NFATC3: variants seen among roughly 807,000 people sequenced by gnomAD.
The protein encoded by NFATC3 is nuclear factor of activated T-cells, cytoplasmic 3.
Under a neutral mutation model 98.6 loss-of-function variants are expected in NFATC3, and 46 were observed. The ratio of observed to expected loss-of-function variants is 0.47; its 90% CI spans 0.37 to 0.60. The LOEUF (loss-of-function observed/expected upper bound fraction) is 0.60, where lower values mean the gene tolerates loss of function less well. Among genes scored for constraint, NFATC3 ranks in the 20% least tolerant of loss-of-function variants. The probability of loss-of-function intolerance (pLI) is 0.00; values close to 1 mark genes in which losing one functional copy is unlikely to be tolerated. For synonymous variants in NFATC3, 512 were observed against 472.2 expected (o/e 1.08, Z -1.09); for missense variants, 1,256 against 1,295.5 (o/e 0.97, Z 0.47).
At chr16:68,098,294 ATTATTATTTTT>A (rs1476936765) in intron 1 of NFATC3, among the ~76,000 whole-genome samples, 18 of 104,420 alleles carry the variant, frequency 1.7e-4, no homozygotes, top group African/African-American at 6.2e-4. Flanking sequence ...TATTATTATT[ATTATTATTTTT>A]TTTTTTTTTT....
At chr16:68,099,734 A>C (rs1056884251) in intron 1 of NFATC3, among the ~76,000 whole-genome samples, 2 of 152,022 alleles carry the variant, frequency 1.3e-5, no homozygotes, top group Non-Finnish European at 2.9e-5. Context: ...CCACTAATCT[A>C]TTCTACATCT....
chr16:68,226,284 GCGT>G, intron 9 of NFATC3, 63 bp from the exon 10 acceptor site: 1 of 1,519,268 alleles, frequency 6.6e-7, no homozygotes, highest in Non-Finnish European at 8.8e-7. Context: ...GTAGAGCTCA[GCGT>G]TGGGCATCAT....
rs778304989 is a variant in NFATC3, at chr16:68,191,312, A to G, written c.2643A>G (p.Ser881=). Residue 881 remains serine, a synonymous_variant, in exon 9 of 10, where the codon TCA becomes TCG. Transcript: ENST00000346183. ...HSVHTLPHLQ[S]MGYHCSNTGQ... is the part of the protein sequence containing the mutation. ...TGCATACCCTGCCTCATCTGCAATCAATGGGATATCATTGTTCAAATACAG... is the reference window on the plus strand; with the variant it reads ...TGCATACCCTGCCTCATCTGCAATCGATGGGATATCATTGTTCAAATACAG... 32 of 1,614,024 alleles carry G rather than the reference A, an allele frequency of 2.0e-5. No homozygotes were observed. In the South Asian group the frequency reaches 3.4e-4, roughly 17 times the overall value.
In NFATC3 at chr16:68,221,310, A is replaced by G. The variant is rs1224581972; in HGVS notation, c.3107-5040A>G. On this transcript the variant is annotated intron_variant, in intron 9 of 9. Coordinates refer to ENST00000346183, the MANE Select transcript of NFATC3 (RefSeq NM_173165.3). ...GTGAGAGCCTGAACCCAGAGCCCCC[A>G]GCCCGAGGGAGAAGTGAGGGAGAAG... The G allele has an allele frequency of 1.9e-6, 3 of 1,611,556 alleles. No individual in the cohort carries two copies. The South Asian group carries it at 3.3e-5, about 18-fold the overall frequency.
intron 9 of NFATC3, among the ~76,000 whole-genome samples, chr16:68,220,689 C>T (rs575520190): frequency 5.3e-4 from 77 of 144,626 alleles, no homozygotes; most frequent in Non-Finnish European, 8.8e-4. Flanking sequence ...AGGTGGATCA[C>T]GAGGTCAGGA....
chr16:68,097,039 C>CTG (rs919054017), intron 1 of NFATC3, among the ~76,000 whole-genome samples: 5 of 151,944 alleles, frequency 3.3e-5, no homozygotes, highest in Admixed American at 6.6e-5. Context: ...GCAGTGAAGA[C>CTG]GACAAAGTGG....
At chr16:68,175,219 CA>C (rs2039636545) in intron 6 of NFATC3, among the ~76,000 whole-genome samples, 1 of 152,186 alleles carries the variant, frequency 6.6e-6, no homozygotes, top group Non-Finnish European at 1.5e-5. Context: ...CCAGTATAGG[CA>C]ATCCAGAAAC....
At chr16:68,165,878 T>C (rs540356234) in intron 4 of NFATC3, among the ~76,000 whole-genome samples, 2 of 152,366 alleles carry the variant, frequency 1.3e-5, no homozygotes. Context: ...TCCATTTGCT[T>C]TATTCTTCCA....
chr16:68,144,216 A>C (rs1443371743), intron 3 of NFATC3, among the ~76,000 whole-genome samples: 1 of 152,214 alleles, frequency 6.6e-6, no homozygotes, highest in African/African-American at 2.4e-5. Context: ...GGGAAATGCA[A>C]ATTAAAACCA....
At chr16:68,163,482 C>T (rs2039004836) in intron 4 of NFATC3, among the ~76,000 whole-genome samples, 1 of 143,606 alleles carries the variant, frequency 7.0e-6, no homozygotes, top group Non-Finnish European at 1.5e-5. Context: ...GGGCTGCTGG[C>T]TGGGCGGGGG....
At chr16:68,198,545 G>C (rs904697824) in intron 9 of NFATC3, among the ~76,000 whole-genome samples, 1 of 152,074 alleles carries the variant, frequency 6.6e-6, no homozygotes, top group Non-Finnish European at 1.5e-5. Flanking sequence ...GTCAAACAAA[G>C]AATACATGAA....
Position 68,227,564 on chromosome 16 carries a change from TTATCTGCCATTC to T in NFATC3, c.*1097_*1108del, listed in dbSNP as rs1202743879. 1.3e-5 allele frequency: 2 copies of T among 152,222 alleles called. No individual in the cohort carries two copies. Among genetic ancestry groups the T allele is most frequent in the African/African-American group, 4.8e-5 (2 of 41,442 alleles). The allele number at this position is 152,222 out of a possible 1,614,324, so 9.4% of individuals were successfully genotyped here. A position where few individuals can be genotyped will look rare whatever the true frequency, so the allele number is the denominator to read the frequency against. On this transcript the variant is annotated 3_prime_UTR_variant, in exon 10 of 10. Coordinates refer to ENST00000346183, the MANE Select transcript of NFATC3 (RefSeq NM_173165.3). ...TAAGAGTCACACTGGCATGGAAGGC[TTATCTGCCATTC>T]TATTTATAGCCTGAAATGATTCTGG...
At chr16:68,143,375 A>G (rs752162286) in intron 3 of NFATC3, among the ~76,000 whole-genome samples, 35 of 152,328 alleles carry the variant, frequency 2.3e-4, no homozygotes, top group Non-Finnish European at 4.4e-4. Flanking sequence ...AAAATAGGTA[A>G]TAGTAACTCT....
intron 9 of NFATC3, chr16:68,217,815 T>TA (rs1487258688): frequency 4.1e-6 from 5 of 1,231,348 alleles, no homozygotes; most frequent in East Asian, 3.2e-5. Flanking sequence ...ATGAGGAAGA[T>TA]ACGTACATCG....
rs1164321342 is a variant in NFATC3 at position 68,227,447 on chromosome 16, G to GTCT, written c.*976_*977insTCT. ...AGGCAGCTTTGCAGTTCTAACTCTA[G>GTCT]CTAGAGGCCAGGCTGTGTGCAGAGC... is the stretch of plus-strand genomic sequence containing the variant. On this transcript the variant is annotated 3_prime_UTR_variant, in exon 10 of 10. Coordinates refer to ENST00000346183, the MANE Select transcript of NFATC3 (RefSeq NM_173165.3). 0.013 allele frequency: 1,989 copies of GTCT among 152,310 alleles called. 42 individuals are homozygous for GTCT. Among genetic ancestry groups the GTCT allele is most frequent in the African/African-American group, 0.045 (1,870 of 41,550 alleles). 9.4% of individuals were successfully genotyped at this position (152,310 alleles called of 1,614,324 possible). A position where few individuals can be genotyped will look rare whatever the true frequency, so the allele number is the denominator to read the frequency against.
At chr16:68,164,650 T>C (rs2039100833) in intron 4 of NFATC3, among the ~76,000 whole-genome samples, 1 of 151,586 alleles carries the variant, frequency 6.6e-6, no homozygotes, top group South Asian at 2.1e-4. Context: ...GAGGCTGAGG[T>C]GGGCGGATCA....
intron 1 of NFATC3, among the ~76,000 whole-genome samples, chr16:68,113,735 A>G (rs1303872536): frequency 6.6e-6 from 1 of 152,236 alleles, no homozygotes; most frequent in Non-Finnish European, 1.5e-5. Context: ...GCTCCTTCCC[A>G]GGGATATCAG....
rs2151188914 is a variant in NFATC3 at position 68,227,803 on chromosome 16, A to G, written c.*1332A>G. ...GGTACCCGAGTTGGGTACTTTAAAA[A>G]AAAAAAAAACCTGCCCTTACCCCTC... is the stretch of plus-strand genomic sequence containing the variant. On this transcript the variant is annotated 3_prime_UTR_variant, in exon 10 of 10. Coordinates refer to ENST00000346183, the MANE Select transcript of NFATC3 (RefSeq NM_173165.3). 1 of 152,204 alleles carries G rather than the reference A, an allele frequency of 6.6e-6. No homozygotes were observed. The highest frequency in any genetic ancestry group is 1.9e-4 in the East Asian group (1 of 5,184). The allele number at this position is 152,204 out of a possible 1,614,324, so 9.4% of individuals were successfully genotyped here.
chr16:68,126,693 G>T (rs149833728), intron 3 of NFATC3, 83 bp downstream of exon 3: 2 of 1,381,172 alleles, frequency 1.4e-6, no homozygotes, highest in African/African-American at 2.9e-5. Context: ...GTACTAGAGA[G>T]TGCAAAGAGC....
Sources: allele counts gnomAD v4.1 joint callset (sites outside exome capture counted in the v4.1 genomes callset), GRCh38; gene constraint gnomAD v4.1.1; transcripts MANE v1.5; gene names NCBI Gene and HGNC (gene_info 2026-07-23, HGNC 2026-07-21).